IFT74: variants seen among roughly 807,000 people sequenced by gnomAD.
The protein encoded by IFT74 is intraflagellar transport protein 74 homolog.
Under a neutral mutation model 96.7 loss-of-function variants are expected in IFT74, and 92 were observed. That is an observed-to-expected ratio of 0.95 (90% CI 0.80 to 1.13). The LOEUF is 1.13. Among genes scored for constraint, IFT74 ranks in the 50% most tolerant of loss-of-function variants. The pLI is 0.00. For synonymous variants in IFT74, 223 were observed against 213.2 expected (o/e 1.05, Z -0.40); for missense variants, 811 against 698.2 (o/e 1.16, Z -1.82).
chr9:26,954,268 T>G (rs1269713518), upstream of IFT74, among the ~76,000 whole-genome samples: 1 of 152,182 alleles, frequency 6.6e-6, no homozygotes, highest in African/African-American at 2.4e-5. Context: ...AAACTGAAAC[T>G]TAAAACGGAA....
At chr9:26,957,507 C>G (rs1478076215) in intron 1 of IFT74, among the ~76,000 whole-genome samples, 1 of 152,084 alleles carries the variant, frequency 6.6e-6, no homozygotes, top group Non-Finnish European at 1.5e-5. Context: ...AATCAGGGAG[C>G]TAGTGGGGTC....
At chr9:26,998,081 A>G (rs749445102) in intron 8 of IFT74, 2 of 1,613,622 alleles carry the variant, frequency 1.2e-6, no homozygotes, top group South Asian at 1.1e-5. Context: ...CTTGTTCTCA[A>G]TCAAATAGAG....
chr9:26,987,858 A>G (rs897554315), intron 6 of IFT74, among the ~76,000 whole-genome samples: 5 of 152,198 alleles, frequency 3.3e-5, no homozygotes, highest in Non-Finnish European at 7.3e-5. Context: ...CTACTGTTCC[A>G]TCTGTGCAAG....
At chr9:26,972,769 A>G (rs1826934077) in intron 2 of IFT74, among the ~76,000 whole-genome samples, 1 of 152,154 alleles carries the variant, frequency 6.6e-6, no homozygotes, top group Non-Finnish European at 1.5e-5. Flanking sequence ...TTCGGGCCTT[A>G]TTCTTTGCTT....
At chr9:27,051,394 T>C (rs1425354846) in intron 16 of IFT74, among the ~76,000 whole-genome samples, 1 of 152,212 alleles carries the variant, frequency 6.6e-6, no homozygotes, top group Non-Finnish European at 1.5e-5. Flanking sequence ...ATATAACTAC[T>C]GTTGGTTTGA....
At chr9:26,950,955 A>C (rs1280439051) in intron 1 of IFT74, among the ~76,000 whole-genome samples, 2 of 152,240 alleles carry the variant, frequency 1.3e-5, no homozygotes, top group Non-Finnish European at 2.9e-5. Context: ...TAATGTTTTT[A>C]TGTGTTCAGC....
chr9:26,982,197 A>T (rs889609266), intron 4 of IFT74: 3 of 248,794 alleles, frequency 1.2e-5, no homozygotes, highest in South Asian at 1.2e-4. Flanking sequence ...ATTAATCAGT[A>T]AGTTTTACAT....
chr9:27,043,757 T>A (rs1819575211), intron 13 of IFT74, among the ~76,000 whole-genome samples: 1 of 152,204 alleles, frequency 6.6e-6, no homozygotes, highest in Non-Finnish European at 1.5e-5. Context: ...TTCCTCCCTG[T>A]TTAACCCTCA....
chr9:27,042,645 A>G (rs1361421835), intron 13 of IFT74, among the ~76,000 whole-genome samples: 3 of 152,200 alleles, frequency 2.0e-5, no homozygotes, highest in Admixed American at 2.0e-4. Flanking sequence ...AGATTAAAAG[A>G]AAAAAGATAA....
intron 14 of IFT74, among the ~76,000 whole-genome samples, chr9:27,045,298 C>T (rs1295626615): frequency 6.6e-6 from 1 of 152,194 alleles, no homozygotes; most frequent in African/African-American, 2.4e-5. Flanking sequence ...CATCCCAAAA[C>T]CATCACCCGC....
At chr9:26,987,950 T>C (rs1827706351) in intron 6 of IFT74, among the ~76,000 whole-genome samples, 1 of 152,054 alleles carries the variant, frequency 6.6e-6, no homozygotes, top group South Asian at 2.1e-4. Flanking sequence ...TTTTTGTTGT[T>C]GTTGTTGTTG....
intron 10 of IFT74, among the ~76,000 whole-genome samples, chr9:27,016,568 C>G (rs893189662): frequency 6.6e-6 from 1 of 152,156 alleles, no homozygotes; most frequent in Non-Finnish European, 1.5e-5. Flanking sequence ...GACTTTGAAT[C>G]AGACATTGTG....
In IFT74 at chr9:26,949,056, A is replaced by G. The variant is rs955453102; in HGVS notation, c.-20+1910A>G. On this transcript the variant is annotated intron_variant, in intron 1 of 19. Transcript: ENST00000433700. ...ACCAATGCAGTTTTGTCTGTTGTCAATATAGTATTTACTGCATTCTAATAT... is the reference window on the plus strand; with the variant it reads ...ACCAATGCAGTTTTGTCTGTTGTCAGTATAGTATTTACTGCATTCTAATAT... Among the ~76,000 whole-genome samples the G allele has an allele frequency of 3.3e-5, 5 of 152,018 alleles. No homozygotes were observed. In the South Asian group the frequency reaches 6.2e-4, roughly 19 times the overall value.
At chr9:26,960,603 G>A (rs1024184430) in intron 1 of IFT74, among the ~76,000 whole-genome samples, 18 of 152,124 alleles carry the variant, frequency 1.2e-4, no homozygotes, top group African/African-American at 4.1e-4. Context: ...TAAATTATGA[G>A]ACAGAATTTT....
At chr9:26,948,448 A>ATTATTATTATTTTTTTTTTTT (rs1825819541) in intron 1 of IFT74, among the ~76,000 whole-genome samples, 1 of 59,162 alleles carries the variant, frequency 1.7e-5, no homozygotes. Context: ...GCTTTCCATT[A>ATTATTATTATTTTTTTTTTTT]TTTTTTTTTT....
intron 12 of IFT74, among the ~76,000 whole-genome samples, chr9:27,026,457 T>C (rs1332818851): frequency 6.6e-6 from 1 of 152,144 alleles, no homozygotes; most frequent in Non-Finnish European, 1.5e-5. Context: ...ATTTAAATTA[T>C]ACCCTAGAAC....
At chr9:27,054,393 C>T (rs1006120548) in intron 16 of IFT74, among the ~76,000 whole-genome samples, 2 of 152,172 alleles carry the variant, frequency 1.3e-5, no homozygotes, top group Non-Finnish European at 2.9e-5. Flanking sequence ...TTATGGCACC[C>T]TGTGCTACTC....
At chr9:26,974,858 TG>T (rs1245223505) in intron 2 of IFT74, among the ~76,000 whole-genome samples, 1 of 152,204 alleles carries the variant, frequency 6.6e-6, no homozygotes, top group Non-Finnish European at 1.5e-5. Context: ...ACCTCTGAAC[TG>T]GTCAAGGGAA....
chr9:27,046,914 C>G (rs1385602608), intron 14 of IFT74, among the ~76,000 whole-genome samples: 1 of 152,206 alleles, frequency 6.6e-6, no homozygotes, highest in Non-Finnish European at 1.5e-5. Context: ...GTGGCTCAAG[C>G]TTATAATCCC....
Sources: gnomAD v4.1 joint callset for allele counts (sites outside exome capture counted in the v4.1 genomes callset) on GRCh38, gnomAD v4.1.1 for gene constraint, MANE v1.5 for transcripts, NCBI Gene and HGNC (gene_info 2026-07-23, HGNC 2026-07-21) for gene names.